CDYL: variants seen among roughly 807,000 people sequenced by gnomAD.
The protein encoded by CDYL is chromodomain Y like, also known as chromodomain Y-like protein.
CDYL carries 8 observed loss-of-function variants against 47.3 expected under a neutral mutation model. The ratio of observed to expected loss-of-function variants is 0.17; its 90% CI spans 0.10 to 0.31. CDYL has a LOEUF of 0.31. Among genes scored for constraint, CDYL ranks in the 10% least tolerant of loss-of-function variants. The probability of loss-of-function intolerance (pLI) is 1.00; values close to 1 mark genes in which losing one functional copy is unlikely to be tolerated. For synonymous variants in CDYL, 266 were observed against 265.0 expected, an observed-to-expected ratio of 1.00 and a Z score of -0.04; for missense variants, 471 against 701.4, an observed-to-expected ratio of 0.67 and a Z score of 3.71.
intron 1 of CDYL, among the ~76,000 whole-genome samples, chr6:4,867,956 C>T (rs1388869369): frequency 3.3e-5 from 5 of 151,754 alleles, no homozygotes; most frequent in African/African-American, 1.2e-4. Context: ...AGTGATGTCT[C>T]CTCTTTCATT....
At chr6:4,760,955 G>A (rs888232157) in intron 3 of CDYL, among the ~76,000 whole-genome samples, 2 of 151,746 alleles carry the variant, frequency 1.3e-5, no homozygotes, top group Non-Finnish European at 2.9e-5. Context: ...TCCTTGTAGT[G>A]GAAATTTAGC....
chr6:4,754,150 A>G (rs1001655526), intron 3 of CDYL, among the ~76,000 whole-genome samples: 2 of 152,190 alleles, frequency 1.3e-5, no homozygotes, highest in African/African-American at 2.4e-5. Context: ...AGAAAAAAAA[A>G]TCAATTTTGA....
chr6:4,768,460 A>G (rs1758288884), intron 3 of CDYL, among the ~76,000 whole-genome samples: 1 of 152,208 alleles, frequency 6.6e-6, no homozygotes, highest in Non-Finnish European at 1.5e-5. Context: ...TCAAAGATGC[A>G]CAGAAGTCAA....
At chr6:4,845,207 T>C (rs1014919228) in intron 1 of CDYL, among the ~76,000 whole-genome samples, 5 of 152,240 alleles carry the variant, frequency 3.3e-5, no homozygotes, top group African/African-American at 7.2e-5. Flanking sequence ...AGCTGACTTT[T>C]CAAAAGACAG....
At chr6:4,951,083 GC>G (rs1289389286) in intron 5 of CDYL, among the ~76,000 whole-genome samples, 2 of 152,244 alleles carry the variant, frequency 1.3e-5, no homozygotes, top group East Asian at 3.9e-4. Flanking sequence ...GGTTTCACAT[GC>G]AGTAAACGGC....
At chr6:4,898,538 G>T (rs571289823) in intron 2 of CDYL, among the ~76,000 whole-genome samples, 1 of 152,172 alleles carries the variant, frequency 6.6e-6, no homozygotes, top group Non-Finnish European at 1.5e-5. Context: ...TCAAACGAGA[G>T]GGGAGTAGTC....
At chr6:4,736,156 T>A (rs1757700965) in intron 3 of CDYL, among the ~76,000 whole-genome samples, 1 of 152,236 alleles carries the variant, frequency 6.6e-6, no homozygotes, top group Non-Finnish European at 1.5e-5. Context: ...GATGTAGTGC[T>A]TGTCCTTCTG....
intron 1 of CDYL, among the ~76,000 whole-genome samples, chr6:4,882,097 C>T (rs143069350): frequency 3.0e-4 from 45 of 152,296 alleles, no homozygotes; most frequent in African/African-American, 1.1e-3. Context: ...CACAGCACAC[C>T]GGAGCAGGAA....
intron 3 of CDYL, 82 bp downstream of exon 3, chr6:4,935,853 C>G: frequency 6.3e-7 from 1 of 1,576,810 alleles, no homozygotes; most frequent in East Asian, 2.2e-5. Context: ...ACTGGCTCTT[C>G]CTGTGCTCTT....
intron 2 of CDYL, among the ~76,000 whole-genome samples, chr6:4,725,179 G>A (rs1180708306): frequency 1.3e-5 from 2 of 152,242 alleles, no homozygotes; most frequent in African/African-American, 4.8e-5. Context: ...GCTAGATACA[G>A]AGTGCTGATT....
chr6:4,906,274 C>G (rs1438693295), intron 2 of CDYL, among the ~76,000 whole-genome samples: 1 of 152,226 alleles, frequency 6.6e-6, no homozygotes, highest in Non-Finnish European at 1.5e-5. Context: ...ATGACACTTT[C>G]AGCAAAGTTT....
At chr6:4,718,920 T>C (rs1757320257) in intron 2 of CDYL, among the ~76,000 whole-genome samples, 1 of 152,062 alleles carries the variant, frequency 6.6e-6, no homozygotes. Flanking sequence ...TGGTTTTTTT[T>C]TTTCTTTTTT....
intron 1 of CDYL, among the ~76,000 whole-genome samples, chr6:4,858,682 C>G (rs1326895167): frequency 6.6e-6 from 1 of 152,192 alleles, no homozygotes; most frequent in Non-Finnish European, 1.5e-5. Context: ...TATTTATGTA[C>G]AGACTTGCAA....
intron 2 of CDYL, among the ~76,000 whole-genome samples, chr6:4,909,569 C>CATT (rs375154033): frequency 7.4e-4 from 113 of 151,916 alleles, no homozygotes; most frequent in African/African-American, 2.6e-3. Context: ...AAAATTCATA[C>CATT]TTTTTTTTGT....
chr6:4,898,375 G>C (rs80129720), intron 2 of CDYL, among the ~76,000 whole-genome samples: 4,529 of 152,234 alleles, frequency 0.03, 240 homozygotes, highest in African/African-American at 0.1. Flanking sequence ...GTGTTTGAGG[G>C]TTTGATCAAG....
intron 1 of CDYL, among the ~76,000 whole-genome samples, chr6:4,830,681 A>C (rs1032446011): frequency 2.6e-4 from 39 of 151,816 alleles, no homozygotes; most frequent in Admixed American, 3.3e-4. Context: ...TATACATGTG[A>C]CATGCTGGTG....
intron 3 of CDYL, 120 bp downstream of exon 3, chr6:4,935,891 G>A (rs1488072670): frequency 2.8e-6 from 4 of 1,452,774 alleles, no homozygotes; most frequent in Admixed American, 4.1e-5. Context: ...GCCATCTCCC[G>A]ATGCCCACCA....
intron 2 of CDYL, among the ~76,000 whole-genome samples, chr6:4,908,589 C>A (rs1161293242): frequency 6.6e-6 from 1 of 152,176 alleles, no homozygotes; most frequent in African/African-American, 2.4e-5. Context: ...TCCAAGCTTC[C>A]AGGGTCTGTT....
At chr6:4,717,485 C>T (rs1206930434) in intron 2 of CDYL, among the ~76,000 whole-genome samples, 1 of 151,724 alleles carries the variant, frequency 6.6e-6, no homozygotes, top group African/African-American at 2.4e-5. Flanking sequence ...TCTCTTGAGG[C>T]CAGGAGTTCA....
Sources: allele counts gnomAD v4.1 joint callset (sites outside exome capture counted in the v4.1 genomes callset), GRCh38; gene constraint gnomAD v4.1.1; transcripts MANE v1.5; gene names NCBI Gene and HGNC (gene_info 2026-07-23, HGNC 2026-07-21).